Variants in TXNDC11 observed in about 807,000 individuals in gnomAD.
TXNDC11 encodes thioredoxin domain containing 11.
A neutral mutation model predicts 78.0 loss-of-function variants in TXNDC11; 68 were observed. The observed-to-expected ratio is 0.87, with a 90% CI of 0.72 to 1.07. The LOEUF (loss-of-function observed/expected upper bound fraction) is 1.07. TXNDC11 is among the 50% of genes least tolerant of loss of function. The pLI is 0.00. For missense variants in TXNDC11, 1,389 were observed against 1,221.8 expected (o/e 1.14, Z -2.04); for synonymous variants, 571 against 495.2 (o/e 1.15, Z -2.03).
At chr16:11,695,411 T>C (rs2050832300) in intron 7 of TXNDC11, among the ~76,000 whole-genome samples, 1 of 152,176 alleles carries the variant, frequency 6.6e-6, no homozygotes, top group Non-Finnish European at 1.5e-5. Context: ...TTCTCAACAA[T>C]GCAAGCATCC....
Position 11,679,890 on chromosome 16 carries a change from T to C in TXNDC11, c.2235-53A>G. 1 of 1,497,840 alleles carries C rather than the reference T, an allele frequency of 6.7e-7. No homozygotes were observed. Among genetic ancestry groups the C allele is most frequent in the Non-Finnish European group, 9.1e-7 (1 of 1,095,372 alleles). 92.8% of individuals were successfully genotyped at this position (1,497,840 alleles called of 1,614,324 possible). On this transcript the variant is annotated intron_variant, in intron 11 of 11. Coordinates refer to ENST00000283033, the MANE Select transcript of TXNDC11 (RefSeq NM_015914.7). This position sits in a 1 kb window ranked among gnomAD's most constrained non-coding sequence, Gnocchi z 4.6. ...ACAGGAGTCACACCAACACAATGAGTCCAAAAGCAGGCTGTACCTGAGGCC... is the reference window on the plus strand; with the variant it reads ...ACAGGAGTCACACCAACACAATGAGCCCAAAAGCAGGCTGTACCTGAGGCC...
At position 11,691,771 on chromosome 16, in the gene TXNDC11, A is replaced by C; in HGVS notation, c.1419T>G (p.Asp473Glu). ...CSFFEMAAAL[D>E]SFYLKEQTFY... The stretch of plus-strand genomic sequence containing the variant: ...AGGTCTGCTCCTTGAGGTAGAAAGA[A>C]TCCAGAGCTGCTGCCATTTCAAAAA... The change falls in exon 8 of 12, where the codon GAT becomes GAG. Residue 473 changes from aspartate (D) to glutamate (E), a missense_variant. Coordinates refer to ENST00000283033, the MANE Select transcript of TXNDC11 (RefSeq NM_015914.7). 6.2e-7 allele frequency: 1 copy of C among 1,614,268 alleles called. No homozygotes were observed. The highest frequency in any genetic ancestry group is 8.5e-7 in the Non-Finnish European group (1 of 1,180,050).
At chr16:11,707,607 C>A (rs1886893986) in intron 5 of TXNDC11, among the ~76,000 whole-genome samples, 1 of 151,720 alleles carries the variant, frequency 6.6e-6, no homozygotes, top group African/African-American at 2.4e-5. Context: ...CACCACCATG[C>A]CCAGCTAATT....
chr16:11,709,124 G>C (rs924657774), intron 5 of TXNDC11, among the ~76,000 whole-genome samples: 2 of 152,090 alleles, frequency 1.3e-5, no homozygotes, highest in African/African-American at 4.8e-5. Context: ...AGTGAAATGT[G>C]CATAGTTTCA....
At position 11,721,602 on chromosome 16, in the gene TXNDC11, G is replaced by C. The variant is rs755394874; in HGVS notation, c.768C>G (p.Thr256=). The C allele has an allele frequency of 6.2e-7, 1 of 1,610,108 alleles. No homozygotes were observed. The highest frequency in any genetic ancestry group is 2.2e-5 in the East Asian group (1 of 44,772). The change falls in exon 5 of 12, where the codon ACC becomes ACG. Residue 256 remains threonine, a synonymous_variant. Transcript: ENST00000283033. ...CTTTCTTTAATGAATGTAATGCTGA[G>C]GTGAAGAAGGTCAAATAACCAGGAG... ...PQPPGYLTFF[T]SALHSLKKDY...
intron 1 of TXNDC11, among the ~76,000 whole-genome samples, chr16:11,739,516 G>C (rs933977105): frequency 6.6e-6 from 1 of 152,004 alleles, no homozygotes; most frequent in Non-Finnish European, 1.5e-5. Context: ...CACTCCAGCC[G>C]GGGCAACATA....
At position 11,691,819 on chromosome 16, in the gene TXNDC11, C is replaced by T. The variant is rs534475681; in HGVS notation, c.1371G>A (p.Ser457=). The change falls in exon 8 of 12, where the codon TCG becomes TCA. Residue 457 remains serine (S), a synonymous_variant. Transcript: ENST00000283033. ...AAAAGCTGCACTGTGGCACGCTGAC[C>T]GAGCTCGGCTTCATGCCCCCGGAGG... The part of the protein sequence containing the change: ...NQTSGGMKPS[S]VSVPQCSFFE... 3.6e-5 allele frequency: 58 copies of T among 1,614,266 alleles called. No individual in the cohort carries two copies. The highest frequency in any genetic ancestry group is 4.1e-5 in the Non-Finnish European group (48 of 1,180,048).
chr16:11,738,680 C>T (rs943174593), intron 1 of TXNDC11, among the ~76,000 whole-genome samples: 3 of 150,216 alleles, frequency 2.0e-5, no homozygotes, highest in African/African-American at 7.5e-5. Flanking sequence ...AAAAAAGACA[C>T]GTTTTCAAGA....
intron 5 of TXNDC11, among the ~76,000 whole-genome samples, chr16:11,705,427 C>T (rs887066925): frequency 3.3e-5 from 5 of 152,158 alleles, no homozygotes; most frequent in African/African-American, 9.7e-5. Context: ...AAAGAGAGGA[C>T]GTGATTTAGT....
intron 5 of TXNDC11, among the ~76,000 whole-genome samples, chr16:11,704,022 G>A (rs920045161): frequency 2.0e-5 from 3 of 152,138 alleles, no homozygotes; most frequent in African/African-American, 4.8e-5. Flanking sequence ...AACCCGGGAG[G>A]TGCAGGTTGC....
chr16:11,680,534 T>A (rs1025150539), intron 11 of TXNDC11, among the ~76,000 whole-genome samples: 18 of 152,222 alleles, frequency 1.2e-4, no homozygotes, highest in African/African-American at 4.3e-4. Context: ...CAGGTCCTGA[T>A]CTAGAGATCT....
intron 7 of TXNDC11, among the ~76,000 whole-genome samples, chr16:11,697,459 C>A (rs960776672): frequency 2.6e-5 from 4 of 152,184 alleles, no homozygotes; most frequent in Admixed American, 1.3e-4. Flanking sequence ...GCTGTCTCTC[C>A]AGGCTCGCTC....
intron 4 of TXNDC11, among the ~76,000 whole-genome samples, chr16:11,725,344 T>A (rs375969757): frequency 1.6e-4 from 22 of 138,252 alleles, no homozygotes; most frequent in Admixed American, 4.3e-4. Context: ...TTTATTCTTT[T>A]AAGTATTCAT....
At chr16:11,708,944 A>G (rs1188377902) in intron 5 of TXNDC11, among the ~76,000 whole-genome samples, 1 of 152,264 alleles carries the variant, frequency 6.6e-6, no homozygotes, top group African/African-American at 2.4e-5. Flanking sequence ...TAATATTTAC[A>G]TAGTGATTCA....
intron 11 of TXNDC11, among the ~76,000 whole-genome samples, chr16:11,681,778 G>C (rs1318071566): frequency 6.6e-6 from 1 of 152,248 alleles, no homozygotes; most frequent in African/African-American, 2.4e-5. Context: ...GGTGGAGCAA[G>C]TGGCTCCAAG....
intron 5 of TXNDC11, among the ~76,000 whole-genome samples, chr16:11,712,957 C>CACAG (rs1281353257): frequency 2.0e-5 from 3 of 150,744 alleles, no homozygotes; most frequent in African/African-American, 7.3e-5. Flanking sequence ...CACACACACA[C>CACAG]AGAAATCAGT....
Position 11,688,310 on chromosome 16 carries a change from T to G in TXNDC11, c.2036A>C (p.Gln679Pro). 6.2e-7 allele frequency: 1 copy of G among 1,613,736 alleles called. No individual in the cohort carries two copies. Among genetic ancestry groups the G allele is most frequent in the Non-Finnish European group, 8.5e-7 (1 of 1,179,866 alleles). The part of the protein sequence containing the change: ...TTDTFWEVVL[Q>P]KQDVLLLYYA... ...CCTCTCATGACTCCATACCTGTTTT[T>G]GAAGGACTACTTCCCAAAAGGTATC... Residue 679 changes from glutamine (Q) to proline (P), a missense_variant, in exon 9 of 12, where the codon CAA (glutamine) becomes CCA (proline). Coordinates refer to ENST00000283033, the MANE Select transcript of TXNDC11 (RefSeq NM_015914.7).
rs566066458 is a variant in TXNDC11, at chr16:11,695,999, C to G, written c.1107+2126G>C. ...CGAGATCATGCCACTGTACTCCAAC[C>G]TGGGCAACAAAGGAAGACCCTAACT... On this transcript the variant is annotated intron_variant, in intron 7 of 11. Transcript: ENST00000283033. Among the ~76,000 whole-genome samples, 19 of 151,262 alleles carry G rather than the reference C, an allele frequency of 1.3e-4. No homozygotes were observed. In the East Asian group the frequency reaches 3.5e-3, roughly 28 times the overall value.
chr16:11,730,128 T>C (rs537821098), intron 4 of TXNDC11, among the ~76,000 whole-genome samples: 3 of 152,022 alleles, frequency 2.0e-5, no homozygotes, highest in Admixed American at 2.0e-4. Context: ...GGGGTTGAAG[T>C]TGGCAGTGGG....
Sources: gnomAD v4.1 joint callset for allele counts (sites outside exome capture counted in the v4.1 genomes callset) on GRCh38, gnomAD v4.1.1 for gene constraint, Gnocchi (gnomAD v3.1) non-coding constraint, MANE v1.5 for transcripts, NCBI Gene and HGNC (gene_info 2026-07-23, HGNC 2026-07-21) for gene names.